HACD2: variants seen among roughly 807,000 people sequenced by gnomAD.
HACD2 encodes the protein very-long-chain (3R)-3-hydroxyacyl-CoA dehydratase 2.
A neutral mutation model predicts 31.0 loss-of-function variants in HACD2; 15 were observed. That is an observed-to-expected ratio of 0.48 (90% CI 0.32 to 0.75). The LOEUF is 0.75. HACD2 is among the 30% of genes least tolerant of loss of function. The pLI is 0.03. For synonymous variants in HACD2, 115 were observed against 122.2 expected, an observed-to-expected ratio of 0.94 and a Z score of 0.39; for missense variants, 283 against 313.0, an observed-to-expected ratio of 0.90 and a Z score of 0.72.
chr3:123,529,009 T>C (rs1230213763), intron 3 of HACD2, among the ~76,000 whole-genome samples: 2 of 138,320 alleles, frequency 1.4e-5, no homozygotes, highest in African/African-American at 5.3e-5. Flanking sequence ...TTAAAACCTT[T>C]TTTTTTTTTT....
chr3:123,511,659 G>A (rs1458532491), intron 4 of HACD2, among the ~76,000 whole-genome samples: 1 of 152,098 alleles, frequency 6.6e-6, no homozygotes, highest in Admixed American at 6.5e-5. Flanking sequence ...TCCATGAAAT[G>A]ACTTCTAGTT....
At chr3:123,499,756 TAAG>T (rs1371938272) in intron 6 of HACD2, 11 of 389,472 alleles carry the variant, frequency 2.8e-5, no homozygotes, top group Middle Eastern at 4.3e-4. Context: ...TCGTTGGTTA[TAAG>T]AAGATCTTTT....
intron 4 of HACD2, among the ~76,000 whole-genome samples, chr3:123,519,225 C>T (rs893806752): frequency 6.6e-6 from 1 of 152,032 alleles, no homozygotes; most frequent in African/African-American, 2.4e-5. Context: ...AAAAGCATCC[C>T]CTTAGCATGC....
chr3:123,498,985 C>G (rs1310411391), intron 6 of HACD2, among the ~76,000 whole-genome samples: 1 of 152,184 alleles, frequency 6.6e-6, no homozygotes, highest in Non-Finnish European at 1.5e-5. Flanking sequence ...GAAGGAAGCC[C>G]TGCTTCCTAG....
At chr3:123,554,224 G>A (rs929489681) in intron 3 of HACD2, among the ~76,000 whole-genome samples, 1 of 23,624 alleles carries the variant, frequency 4.2e-5, no homozygotes, top group Non-Finnish European at 1.0e-4. Context: ...AGTAGAATAA[G>A]CTCACTGTTA....
intron 3 of HACD2, among the ~76,000 whole-genome samples, chr3:123,557,454 A>G (rs181929610): frequency 6.6e-6 from 1 of 152,280 alleles, no homozygotes; most frequent in Non-Finnish European, 1.5e-5. Context: ...CTTGAGAAAG[A>G]TAGCAAGATC....
At chr3:123,549,523 A>T (rs1295094216) in intron 3 of HACD2, among the ~76,000 whole-genome samples, 3 of 152,192 alleles carry the variant, frequency 2.0e-5, no homozygotes, top group Non-Finnish European at 2.9e-5. Context: ...CAGGGCAGGC[A>T]CATTTCTTGA....
chr3:123,572,447 G>A (rs2056864882), intron 2 of HACD2, among the ~76,000 whole-genome samples: 1 of 152,198 alleles, frequency 6.6e-6, no homozygotes, highest in African/African-American at 2.4e-5. Context: ...GGTTGAGGCT[G>A]CAATGAGCTA....
chr3:123,498,461 G>C (rs76242799), intron 6 of HACD2, among the ~76,000 whole-genome samples: 3 of 152,182 alleles, frequency 2.0e-5, no homozygotes, highest in African/African-American at 7.2e-5. Context: ...ACAGCAGGAG[G>C]TGAGTGGTGG....
At chr3:123,580,552 G>A (rs923003421) in intron 2 of HACD2, among the ~76,000 whole-genome samples, 5 of 152,138 alleles carry the variant, frequency 3.3e-5, no homozygotes, top group African/African-American at 1.2e-4. Flanking sequence ...GGGAGGCTGA[G>A]ATGGGAAGAT....
At chr3:123,584,758 C>T in intron 1 of HACD2, 115 bp downstream of exon 1, 2 of 828,040 alleles carry the variant, frequency 2.4e-6, no homozygotes, top group Non-Finnish European at 3.4e-6. Context: ...GGGCACCCCC[C>T]GCCGGGAATG....
chr3:123,563,359 C>A (rs933542222), intron 3 of HACD2, among the ~76,000 whole-genome samples: 5 of 152,156 alleles, frequency 3.3e-5, no homozygotes, highest in African/African-American at 1.2e-4. Context: ...AGAGCCTGGG[C>A]ACAGCGCAGA....
intron 3 of HACD2, among the ~76,000 whole-genome samples, chr3:123,562,795 T>C (rs2056748457): frequency 6.6e-6 from 1 of 152,220 alleles, no homozygotes; most frequent in East Asian, 1.9e-4. Flanking sequence ...ATATGTAAAC[T>C]AAAGGTATCT....
intron 4 of HACD2, among the ~76,000 whole-genome samples, chr3:123,523,913 T>G (rs2056248382): frequency 6.6e-6 from 1 of 152,256 alleles, no homozygotes; most frequent in African/African-American, 2.4e-5. Context: ...TGCAATGATT[T>G]CAGATCTTCC....
At chr3:123,502,087 A>G (rs1023961855) in intron 5 of HACD2, among the ~76,000 whole-genome samples, 1 of 152,232 alleles carries the variant, frequency 6.6e-6, no homozygotes, top group Non-Finnish European at 1.5e-5. Flanking sequence ...AAAAGTGATA[A>G]GCTAAAACTG....
chr3:123,510,141 A>C (rs2056038050), intron 4 of HACD2, among the ~76,000 whole-genome samples: 1 of 152,216 alleles, frequency 6.6e-6, no homozygotes, highest in Non-Finnish European at 1.5e-5. Context: ...CCCATTAAAC[A>C]ATCACTCCAC....
At chr3:123,507,991 C>A (rs1047463993) in intron 4 of HACD2, among the ~76,000 whole-genome samples, 4 of 149,988 alleles carry the variant, frequency 2.7e-5, no homozygotes, top group South Asian at 2.1e-4. Context: ...TGAGACCCCC[C>A]CTCTCTTAAA....
chr3:123,507,388 G>GAT (rs147698446), intron 4 of HACD2, among the ~76,000 whole-genome samples: 5,393 of 151,692 alleles, frequency 0.036, 99 homozygotes, highest in Middle Eastern at 0.089. Flanking sequence ...AACGACAAGT[G>GAT]ATATATATAT....
At chr3:123,543,122 G>A (rs978842672) in intron 3 of HACD2, among the ~76,000 whole-genome samples, 3 of 152,028 alleles carry the variant, frequency 2.0e-5, no homozygotes, top group African/African-American at 7.2e-5. Context: ...CCCTCATTCC[G>A]TTTTAAATTA....
Sources: gnomAD v4.1 joint callset for allele counts (sites outside exome capture counted in the v4.1 genomes callset) on GRCh38, gnomAD v4.1.1 for gene constraint, MANE v1.5 for transcripts, NCBI Gene and HGNC (gene_info 2026-07-23, HGNC 2026-07-21) for gene names.